PTGER3: variants seen among roughly 807,000 people sequenced by gnomAD.
PTGER3 encodes the protein prostaglandin E2 receptor EP3 subtype.
PTGER3 carries 22 observed loss-of-function variants against 34.7 expected under a neutral mutation model. The ratio of observed to expected loss-of-function variants is 0.63; its 90% CI spans 0.45 to 0.91. The LOEUF (loss-of-function observed/expected upper bound fraction) is 0.91, where lower values mean the gene tolerates loss of function less well. PTGER3 is among the 40% of genes least tolerant of loss of function. The pLI is 0.00. For synonymous variants in PTGER3, 241 were observed against 230.1 expected, an observed-to-expected ratio of 1.05 and a Z score of -0.43; for missense variants, 468 against 519.4, an observed-to-expected ratio of 0.90 and a Z score of 0.96.
intron 4 of PTGER3, among the ~76,000 whole-genome samples, chr1:70,900,274 T>C (rs976129043): frequency 6.6e-6 from 1 of 152,120 alleles, no homozygotes; most frequent in African/African-American, 2.4e-5. Flanking sequence ...ATCATGACCG[T>C]GTTTCCTACT....
intron 2 of PTGER3, among the ~76,000 whole-genome samples, chr1:70,959,970 A>G (rs776350281): frequency 1.3e-5 from 2 of 152,138 alleles, no homozygotes; most frequent in Non-Finnish European, 2.9e-5. Context: ...ATGGGCCCCT[A>G]AATCAATATA....
chr1:70,981,723 T>C (rs1654390224), intron 2 of PTGER3, among the ~76,000 whole-genome samples: 1 of 152,110 alleles, frequency 6.6e-6, no homozygotes, highest in Non-Finnish European at 1.5e-5. Flanking sequence ...ATGCTGTTTC[T>C]ATTACAATAA....
At chr1:70,982,403 G>T (rs1654469646) in intron 2 of PTGER3, among the ~76,000 whole-genome samples, 1 of 152,004 alleles carries the variant, frequency 6.6e-6, no homozygotes, top group African/African-American at 2.4e-5. Flanking sequence ...TGTCAGATTT[G>T]GGAGGGAAAA....
At chr1:70,923,164 A>G (rs1388332368) in intron 4 of PTGER3, among the ~76,000 whole-genome samples, 1 of 152,020 alleles carries the variant, frequency 6.6e-6, no homozygotes, top group Admixed American at 6.6e-5. Context: ...CTTACTTGGT[A>G]TAAAAATCAT....
chr1:71,011,188 G>GA (rs1657411312), intron 2 of PTGER3: 1 of 985,262 alleles, frequency 1.0e-6, no homozygotes, highest in Admixed American at 6.2e-5. Context: ...GTAGACTGTA[G>GA]GAAAAACATT....
At chr1:70,913,758 T>C (rs145442626) in intron 4 of PTGER3, among the ~76,000 whole-genome samples, 6 of 152,008 alleles carry the variant, frequency 3.9e-5, no homozygotes, top group African/African-American at 1.4e-4. Flanking sequence ...TCTTCTTGAG[T>C]CTGTTAATAT....
At chr1:70,862,437 G>T (rs756544542) in intron 4 of PTGER3, 4 of 1,257,198 alleles carry the variant, frequency 3.2e-6, no homozygotes, top group Admixed American at 3.8e-5. Flanking sequence ...TGCTGAAAAA[G>T]TCCTGCTTTC....
In PTGER3 at chr1:71,029,647, C is replaced by T. The variant is rs112685401; in HGVS notation, c.897+17034G>A. ...GGGCACTTAAATCAGTTTCTATGGC[C>T]GGGCGTGATGGCTCACACCTGTAAT... On this transcript the variant is annotated intron_variant, in intron 1 of 3. Transcript: ENST00000306666. Among the ~76,000 whole-genome samples the T allele has an allele frequency of 3.7e-4, 56 of 152,126 alleles. 1 individual carries two copies. Among genetic ancestry groups the T allele is most frequent in the Non-Finnish European group, 6.2e-4 (42 of 67,996 alleles).
intron 4 of PTGER3, among the ~76,000 whole-genome samples, chr1:70,890,396 C>T (rs1469107038): frequency 6.6e-6 from 1 of 151,978 alleles, no homozygotes; most frequent in African/African-American, 2.4e-5. Context: ...TGAAATGACC[C>T]CCAAATCTAT....
intron 4 of PTGER3, among the ~76,000 whole-genome samples, chr1:70,862,811 A>G (rs2100489855): frequency 6.6e-6 from 1 of 152,302 alleles, no homozygotes; most frequent in South Asian, 2.1e-4. Flanking sequence ...GGGCTTTGCA[A>G]GCAATTTTAT....
At chr1:71,004,124 T>A (rs183858140) in intron 2 of PTGER3, among the ~76,000 whole-genome samples, 2 of 152,376 alleles carry the variant, frequency 1.3e-5, no homozygotes, top group Non-Finnish European at 2.9e-5. Context: ...CCTTGTATGT[T>A]ATATTCAAAG....
rs763281543 is a variant in PTGER3, at chr1:71,046,915, A to C, written c.663T>G (p.Ser221=). The C allele has an allele frequency of 6.2e-7, 1 of 1,611,258 alleles. No individual in the cohort carries two copies. The highest frequency in any genetic ancestry group is 1.3e-5 in the African/African-American group (1 of 74,936). The part of the protein sequence containing the change: ...STGRGGNGTS[S]SHNWGNLFFA... ...AGAAAAGGTTGCCCCAGTTATGCGAAGAGCTAGTCCCGTTGCCCCCTCGCC... is the reference window on the plus strand; with the variant it reads ...AGAAAAGGTTGCCCCAGTTATGCGACGAGCTAGTCCCGTTGCCCCCTCGCC... Residue 221 remains serine (S), a synonymous_variant, in exon 1 of 4, where the codon TCT becomes TCG. Transcript: ENST00000306666.
chr1:71,020,690 T>G (rs1658324965), intron 1 of PTGER3, among the ~76,000 whole-genome samples: 1 of 142,984 alleles, frequency 7.0e-6, no homozygotes, highest in Non-Finnish European at 1.5e-5. Flanking sequence ...TTGGTGTATG[T>G]TAGCAGAGTG....
chr1:71,019,234 A>C (rs1023211878), intron 1 of PTGER3, among the ~76,000 whole-genome samples: 24 of 152,254 alleles, frequency 1.6e-4, no homozygotes, highest in African/African-American at 5.8e-4. Flanking sequence ...GGACCAAAGA[A>C]AAAGCAGGAT....
intron 4 of PTGER3, among the ~76,000 whole-genome samples, chr1:70,874,962 C>G (rs890186157): frequency 1.3e-5 from 2 of 152,084 alleles, no homozygotes; most frequent in African/African-American, 4.8e-5. Flanking sequence ...TTTCTATTTG[C>G]CTTCTGCCCA....
downstream of PTGER3, among the ~76,000 whole-genome samples, chr1:70,967,790 ATTAT>A (rs1449482199): frequency 6.6e-6 from 1 of 152,076 alleles, no homozygotes; most frequent in Non-Finnish European, 1.5e-5. Context: ...CTTTTATTTC[ATTAT>A]TTATTTAATT....
intron 4 of PTGER3, among the ~76,000 whole-genome samples, chr1:70,909,808 A>G (rs1647025730): frequency 6.6e-6 from 1 of 152,236 alleles, no homozygotes; most frequent in Non-Finnish European, 1.5e-5. Flanking sequence ...AAAGGAAAAG[A>G]AAAATGTTTC....
chr1:70,973,217 TAGATGATAGATAGATAGATAGATA>T (rs1405442980), intron 3 of PTGER3, among the ~76,000 whole-genome samples: 1 of 128,904 alleles, frequency 7.8e-6, no homozygotes, highest in Non-Finnish European at 1.6e-5. Flanking sequence ...GATAGATAGA[TAGATGATAGATAGATAGATAGATA>T]GATAGATAGA....
At chr1:70,951,911 C>T (rs1184974251), downstream of PTGER3, among the ~76,000 whole-genome samples, 1 of 152,104 alleles carries the variant, frequency 6.6e-6, no homozygotes, top group Non-Finnish European at 1.5e-5. Context: ...GAGAAACCTA[C>T]TGTAGATAGG....
Sources: gnomAD v4.1 joint callset for allele counts (sites outside exome capture counted in the v4.1 genomes callset) on GRCh38, gnomAD v4.1.1 for gene constraint, MANE v1.5 for transcripts, NCBI Gene and HGNC (gene_info 2026-07-23, HGNC 2026-07-21) for gene names.